IGSF5: variants seen among roughly 807,000 people sequenced by gnomAD.
The protein encoded by IGSF5 is immunoglobulin superfamily member 5.
In IGSF5, 41 loss-of-function variants were observed where a neutral mutation model predicts 39.4. The observed-to-expected ratio is 1.04, with a 90% CI of 0.81 to 1.35. The LOEUF (loss-of-function observed/expected upper bound fraction) is 1.35, where lower values mean the gene tolerates loss of function less well. Ranked by LOEUF, IGSF5 falls within the 40% of genes most tolerant of loss-of-function variation. The probability of loss-of-function intolerance (pLI) is 0.00; values close to 1 mark genes in which losing one functional copy is unlikely to be tolerated. For synonymous variants in IGSF5, 183 were observed against 175.3 expected (o/e 1.04, Z -0.34); for missense variants, 487 against 494.6 (o/e 0.98, Z 0.15).
At chr21:39,730,952 G>A in the IGSF5 span, among the ~76,000 whole-genome samples, 5 of 152,174 alleles carry the variant, frequency 3.3e-5, no homozygotes, top group African/African-American at 1.2e-4. Context: ...TTAAAAGACT[G>A]TGCATGTTTT....
At chr21:39,750,225 TG>T (rs1290350660) in intron 2 of IGSF5, among the ~76,000 whole-genome samples, 1 of 152,222 alleles carries the variant, frequency 6.6e-6, no homozygotes, top group Non-Finnish European at 1.5e-5. Flanking sequence ...TCGCCTCCCC[TG>T]GCCCCATTTA....
At chr21:39,750,612 G>A (rs2080000711) in intron 2 of IGSF5, among the ~76,000 whole-genome samples, 1 of 150,336 alleles carries the variant, frequency 6.7e-6, no homozygotes, top group African/African-American at 2.5e-5. Context: ...ACGTTCCTGT[G>A]TTCATCTCCT....
chr21:39,779,197 C>G lies in IGSF5; in HGVS notation c.826C>G (p.Leu276Val), dbSNP rs1413944098. The G allele has an allele frequency of 6.2e-7, 1 of 1,614,132 alleles. No homozygotes were observed. The highest frequency in any genetic ancestry group is 1.1e-5 in the South Asian group (1 of 91,070). Residue 276 changes from leucine (L) to valine (V), a missense_variant, in exon 5 of 9, where the codon CTT becomes GTT. Physicochemically the swap from Leu to Val is conservative, Grantham distance 32. Transcript: ENST00000380588. Reference sequence around the variant, plus strand: ...TGGACTTGGACTAGCAGGCACCATGCTTCTGACGCCGACGTGTACTCTTAC... The same window carrying G: ...TGGACTTGGACTAGCAGGCACCATGGTTCTGACGCCGACGTGTACTCTTAC... ...KVGLGLAGTM[L>V]LTPTCTLTIR...
Position 39,793,626 on chromosome 21 carries a change from A to C in IGSF5, c.1128+13A>C. ...CCCTCCTCACCAGGTAGTTTAGACC[A>C]TTTTCCCCCTTTTTGGACTTTTTTG... On this transcript the variant is annotated intron_variant, in intron 8 of 8. Coordinates refer to ENST00000380588, the MANE Select transcript of IGSF5 (RefSeq NM_001080444.2). 1 of 1,605,912 alleles carries C rather than the reference A, an allele frequency of 6.2e-7. No individual in the cohort carries two copies.
At chr21:39,750,267 A>G (rs2079998469) in intron 2 of IGSF5, among the ~76,000 whole-genome samples, 1 of 152,128 alleles carries the variant, frequency 6.6e-6, no homozygotes, top group Non-Finnish European at 1.5e-5. Flanking sequence ...TATGTTAGCT[A>G]TATCTTCCAT....
chr21:39,748,903 A>G (rs935404709), intron 2 of IGSF5, among the ~76,000 whole-genome samples: 5 of 152,236 alleles, frequency 3.3e-5, no homozygotes, highest in Non-Finnish European at 7.3e-5. Flanking sequence ...AGAAAGTTGC[A>G]TTGGATGACA....
chr21:39,780,390 C>T (rs1041718805), intron 5 of IGSF5, among the ~76,000 whole-genome samples: 7 of 152,154 alleles, frequency 4.6e-5, no homozygotes, highest in African/African-American at 1.4e-4. Context: ...GTGATTGAAG[C>T]AGTGCCTTTC....
chr21:39,774,298 T>C (rs1221767379), intron 4 of IGSF5, among the ~76,000 whole-genome samples: 2 of 152,248 alleles, frequency 1.3e-5, no homozygotes, highest in African/African-American at 4.8e-5. Context: ...CAAGTGTTAA[T>C]GGGGCTGTGC....
chr21:39,749,113 A>G lies in IGSF5; in HGVS notation c.100+2815A>G, dbSNP rs1299962315. On this transcript the variant is annotated intron_variant, in intron 2 of 8. Transcript: ENST00000380588. ...AGCTGGCTCATTAATAGAGTTAAAGAGTTAAAAGGCTTATATATCTAACGT... is the reference window on the plus strand; with the variant it reads ...AGCTGGCTCATTAATAGAGTTAAAGGGTTAAAAGGCTTATATATCTAACGT... Among the ~76,000 whole-genome samples the G allele has an allele frequency of 1.2e-4, 18 of 152,308 alleles. 1 individual carries two copies. In the East Asian group the frequency reaches 3.3e-3, roughly 28 times the overall value.
At chr21:39,744,326 G>A (rs1356869326), upstream of IGSF5, among the ~76,000 whole-genome samples, 2 of 152,228 alleles carry the variant, frequency 1.3e-5, no homozygotes, top group African/African-American at 4.8e-5. Flanking sequence ...ATAAACAACA[G>A]TTTTTATGCA....
At chr21:39,787,214 G>T (rs1365580145) in intron 5 of IGSF5, among the ~76,000 whole-genome samples, 1 of 152,144 alleles carries the variant, frequency 6.6e-6, no homozygotes, top group Non-Finnish European at 1.5e-5. Flanking sequence ...GCATTCCCCT[G>T]TTGCTGGAGG....
upstream of IGSF5, among the ~76,000 whole-genome samples, chr21:39,744,183 C>A (rs1418749673): frequency 1.3e-5 from 2 of 151,582 alleles, 1 homozygote; most frequent in South Asian, 4.2e-4. Context: ...GAAAGGGGTC[C>A]GGGCTGCTGG....
the IGSF5 span, among the ~76,000 whole-genome samples, chr21:39,725,483 C>T: frequency 6.6e-6 from 1 of 152,148 alleles, no homozygotes; most frequent in African/African-American, 2.4e-5. Context: ...CTTTCTTCTT[C>T]TTGGATTTGG....
chr21:39,761,826 A>C (rs368271903), intron 2 of IGSF5, among the ~76,000 whole-genome samples: 2 of 152,028 alleles, frequency 1.3e-5, no homozygotes, highest in Non-Finnish European at 2.9e-5. Context: ...ATGCTAACAC[A>C]CACGGCTATT....
rs563017841 is a variant in IGSF5, at chr21:39,786,722, C to T, written c.935-1445C>T. On this transcript the variant is annotated intron_variant, in intron 5 of 8. Coordinates refer to ENST00000380588, the MANE Select transcript of IGSF5 (RefSeq NM_001080444.2). Reference sequence around the variant, plus strand: ...TGGAACCAACCCACATGTCCAACAACGATAGACTGGATTAAGAAAATGTGG... The same window carrying T: ...TGGAACCAACCCACATGTCCAACAATGATAGACTGGATTAAGAAAATGTGG... Among the ~76,000 whole-genome samples, 36 of 152,176 alleles carry T rather than the reference C, an allele frequency of 2.4e-4. 1 individual carries two copies. Among genetic ancestry groups the T allele is most frequent in the African/African-American group, 8.2e-4 (34 of 41,520 alleles).
At chr21:39,748,383 T>A (rs2079986801) in intron 2 of IGSF5, among the ~76,000 whole-genome samples, 1 of 131,474 alleles carries the variant, frequency 7.6e-6, no homozygotes, top group South Asian at 2.7e-4. Flanking sequence ...CAATCTCGGC[T>A]CACTGCAACC....
the IGSF5 span, chr21:39,725,694 T>C: frequency 1.3e-5 from 2 of 152,174 alleles, no homozygotes; most frequent in Non-Finnish European, 2.9e-5. Context: ...AAACACCTAA[T>C]TTTGATCTTA....
chr21:39,746,402 G>C, intron 2 of IGSF5, 104 bp downstream of exon 2: 2 of 603,850 alleles, frequency 3.3e-6, no homozygotes, highest in Non-Finnish European at 6.0e-6. Flanking sequence ...CCCATACAAA[G>C]GGAGGGGTCC....
At chr21:39,773,651 G>C (rs1340555472) in intron 4 of IGSF5, among the ~76,000 whole-genome samples, 1 of 152,056 alleles carries the variant, frequency 6.6e-6, no homozygotes, top group Non-Finnish European at 1.5e-5. Context: ...TGAGCACCTG[G>C]ACCAGTAAGG....
Sources: gnomAD v4.1 joint callset for allele counts (sites outside exome capture counted in the v4.1 genomes callset) on GRCh38, gnomAD v4.1.1 for gene constraint, MANE v1.5 for transcripts, NCBI Gene and HGNC (gene_info 2026-07-23, HGNC 2026-07-21) for gene names.